The following TNKS variants were observed in gnomAD, a reference collection of about 807,000 sequenced individuals.
TNKS encodes tankyrase.
TNKS carries 72 observed loss-of-function variants against 135.8 expected under a neutral mutation model. The ratio of observed to expected loss-of-function variants is 0.53; its 90% confidence interval spans 0.44 to 0.64. TNKS has a LOEUF of 0.64. TNKS is among the 30% of genes least tolerant of loss of function. The probability of loss-of-function intolerance (pLI) is 0.00; values close to 1 mark genes in which losing one functional copy is unlikely to be tolerated. For synonymous variants in TNKS, 849 were observed against 649.3 expected, an observed-to-expected ratio of 1.31 and a Z score of -4.68; for missense variants, 1,769 against 1,674.0, an observed-to-expected ratio of 1.06 and a Z score of -0.99.
chr8:9,621,617 C>G (rs4383973), intron 3 of TNKS, among the ~76,000 whole-genome samples: 3 of 151,898 alleles, frequency 2.0e-5, no homozygotes, highest in Admixed American at 2.0e-4. Flanking sequence ...GGCCATTGTT[C>G]TGTTAGTTTG....
intron 1 of TNKS, among the ~76,000 whole-genome samples, chr8:9,565,981 T>C (rs1421844719): frequency 6.6e-6 from 1 of 152,222 alleles, no homozygotes; most frequent in African/African-American, 2.4e-5. Flanking sequence ...AAATTATATG[T>C]TGACATATAT....
At position 9,556,463 on chromosome 8, in the gene TNKS, G is replaced by A. The variant is rs750932295; in HGVS notation, c.524G>A (p.Gly175Glu). 2.5e-6 allele frequency: 4 copies of A among 1,614,156 alleles called. No homozygotes were observed. The highest frequency in any genetic ancestry group is 3.4e-6 in the Non-Finnish European group (4 of 1,180,048). The change falls in exon 1 of 27, where the codon GGG becomes GAG. Residue 175 changes from glycine to glutamate, a missense_variant. Gly to Glu is a moderately conservative substitution (Grantham distance 98, BLOSUM62 -2). Coordinates refer to ENST00000310430, the MANE Select transcript of TNKS (RefSeq NM_003747.3). Reference protein sequence around the residue: ...LGPGAAGPGTGVPAVSGALRE... With the variant: ...LGPGAAGPGTEVPAVSGALRE... Reference sequence around the variant, plus strand: ...CCTGGGGCAGCAGGACCTGGGACAGGGGTCCCAGCAGTGAGCGGGGCCCTA... The same window carrying A: ...CCTGGGGCAGCAGGACCTGGGACAGAGGTCCCAGCAGTGAGCGGGGCCCTA...
chr8:9,646,759 T>G (rs1241151537), intron 3 of TNKS, among the ~76,000 whole-genome samples: 1 of 152,142 alleles, frequency 6.6e-6, no homozygotes, highest in Admixed American at 6.5e-5. Context: ...TCCAAGTCAG[T>G]TTAGTCCAGC....
At chr8:9,729,744 A>G (rs1483734897) in intron 13 of TNKS, among the ~76,000 whole-genome samples, 1 of 139,110 alleles carries the variant, frequency 7.2e-6, no homozygotes, top group African/African-American at 2.7e-5. Context: ...ACATATAATA[A>G]TTTCCTCACT....
At chr8:9,619,134 A>G (rs772648040) in intron 3 of TNKS, among the ~76,000 whole-genome samples, 58 of 152,310 alleles carry the variant, frequency 3.8e-4, no homozygotes, top group Non-Finnish European at 6.0e-4. Context: ...CAGTCTTAGC[A>G]TCCATGGACA....
intron 1 of TNKS, among the ~76,000 whole-genome samples, chr8:9,570,673 T>C (rs891079662): frequency 1.5e-4 from 23 of 152,226 alleles, no homozygotes; most frequent in African/African-American, 4.8e-4. Context: ...GGGACTCAGA[T>C]GTCCCTTGTA....
intron 1 of TNKS, among the ~76,000 whole-genome samples, chr8:9,560,911 C>T (rs1245369505): frequency 6.6e-6 from 1 of 151,948 alleles, no homozygotes; most frequent in African/African-American, 2.4e-5. Flanking sequence ...CAAAGTGTCT[C>T]TTTCTTTTAC....
At chr8:9,658,724 A>T (rs1251335975) in intron 3 of TNKS, among the ~76,000 whole-genome samples, 1 of 152,244 alleles carries the variant, frequency 6.6e-6, no homozygotes, top group Non-Finnish European at 1.5e-5. Flanking sequence ...GATCAAATTC[A>T]CACATAACAG....
intron 1 of TNKS, among the ~76,000 whole-genome samples, chr8:9,568,938 T>TC (rs1482057832): frequency 1.3e-5 from 2 of 152,238 alleles, no homozygotes; most frequent in Non-Finnish European, 2.9e-5. Context: ...CAGAAACGGG[T>TC]ATACCTGTAC....
chr8:9,682,598 T>C (rs529232930), intron 5 of TNKS, among the ~76,000 whole-genome samples: 10 of 152,210 alleles, frequency 6.6e-5, no homozygotes, highest in African/African-American at 1.9e-4. Context: ...TAAATATCTT[T>C]TTCTTTTACT....
intron 15 of TNKS, among the ~76,000 whole-genome samples, chr8:9,733,652 A>G (rs1024119341): frequency 2.0e-5 from 3 of 152,192 alleles, no homozygotes; most frequent in South Asian, 4.1e-4. Flanking sequence ...GTTTAAGTCC[A>G]TGTCATAAAA....
intron 1 of TNKS, among the ~76,000 whole-genome samples, chr8:9,566,782 G>A (rs933846929): frequency 1.3e-5 from 2 of 150,416 alleles, no homozygotes; most frequent in Non-Finnish European, 3.0e-5. Flanking sequence ...CTAATTTTTT[G>A]TATTTTTAGT....
chr8:9,693,603 G>T (rs1467613780), intron 5 of TNKS, among the ~76,000 whole-genome samples: 1 of 152,104 alleles, frequency 6.6e-6, no homozygotes, highest in Non-Finnish European at 1.5e-5. Context: ...ATTGAGACTG[G>T]TTAAACTGAG....
At chr8:9,635,927 G>A (rs908764343) in intron 3 of TNKS, among the ~76,000 whole-genome samples, 1 of 152,156 alleles carries the variant, frequency 6.6e-6, no homozygotes, top group Non-Finnish European at 1.5e-5. Flanking sequence ...ATGCTATAAA[G>A]GCTATAATAG....
Position 9,669,161 on chromosome 8 carries a change from G to A in TNKS, c.995-10790G>A, listed in dbSNP as rs527473061. ...GGGCCGGGCGCGGTGGCTCACGCCT[G>A]TAATCCCAGCACTTTGGGAGGCCGA... On this transcript the variant is annotated intron_variant, in intron 3 of 26. Transcript: ENST00000310430. Among the ~76,000 whole-genome samples, 50 of 152,214 alleles carry A rather than the reference G, an allele frequency of 3.3e-4. No individual in the cohort carries two copies. In the South Asian group the frequency reaches 6.8e-3, roughly 21 times the overall value.
At chr8:9,605,377 G>A (rs567452499) in intron 2 of TNKS, among the ~76,000 whole-genome samples, 231 of 152,108 alleles carry the variant, frequency 1.5e-3, no homozygotes, top group African/African-American at 5.5e-3. Context: ...TTGTATGACT[G>A]AGCTATAGTT....
chr8:9,769,619 T>C lies in TNKS; in HGVS notation c.3741-487T>C, dbSNP rs1259097762. Among the ~76,000 whole-genome samples the C allele has an allele frequency of 5.2e-5, 7 of 134,594 alleles. No homozygotes were observed. The East Asian group carries it at 8.2e-4, about 16-fold the overall frequency. The allele number at this position is 134,594 out of a possible 152,430, so 88.3% of individuals were successfully genotyped here. A position where few individuals can be genotyped will look rare whatever the true frequency, so the allele number is the denominator to read the frequency against. ...CTTACTGGCAGGCATTTTCTTTTTTTTTTTTTTTTTTTTTTTTTGAGACGG... is the reference window on the plus strand; with the variant it reads ...CTTACTGGCAGGCATTTTCTTTTTTCTTTTTTTTTTTTTTTTTTGAGACGG... On this transcript the variant is annotated intron_variant, in intron 25 of 26. Transcript: ENST00000310430.
chr8:9,680,409 A>G (rs79701140), intron 4 of TNKS, among the ~76,000 whole-genome samples: 8,534 of 152,170 alleles, frequency 0.056, 334 homozygotes, highest in Non-Finnish European at 0.088. Context: ...AGCATTTTGT[A>G]TGTATTTTTA....
At chr8:9,578,459 T>C (rs1798043185) in intron 1 of TNKS, among the ~76,000 whole-genome samples, 1 of 152,222 alleles carries the variant, frequency 6.6e-6, no homozygotes, top group South Asian at 2.1e-4. Flanking sequence ...AAATTGATCT[T>C]TTCACCTAAA....
Sources: gnomAD v4.1 joint callset for allele counts (sites outside exome capture counted in the v4.1 genomes callset) on GRCh38, gnomAD v4.1.1 for gene constraint, MANE v1.5 for transcripts, NCBI Gene and HGNC (gene_info 2026-07-23, HGNC 2026-07-21) for gene names.